Variants in FRYL observed in about 807,000 individuals in gnomAD.
FRYL encodes FRY like transcription coactivator.
Under a neutral mutation model 351.2 loss-of-function variants are expected in FRYL, and 150 were observed. The ratio of observed to expected loss-of-function variants is 0.43; its 90% CI spans 0.37 to 0.49. FRYL has a LOEUF of 0.49. Ranked by LOEUF, FRYL falls within the 20% of genes least tolerant of loss-of-function variation. The pLI is 0.00. For synonymous variants in FRYL, 1,153 were observed against 1,257.1 expected (o/e 0.92, Z 1.75); for missense variants, 3,036 against 3,619.3 (o/e 0.84, Z 4.13).
intron 54 of FRYL, 137 bp from the exon 55 acceptor site, chr4:48,521,352 C>T: frequency 1.6e-6 from 1 of 634,362 alleles, no homozygotes; most frequent in Non-Finnish European, 2.6e-6. Flanking sequence ...TCTTTCCTTC[C>T]AGTCTACACC....
At position 48,573,214 on chromosome 4, in the gene FRYL, A is replaced by C. The variant is rs1425143751; in HGVS notation, c.2876T>G (p.Ile959Ser). 1.2e-6 allele frequency: 2 copies of C among 1,612,554 alleles called. No homozygotes were observed. The highest frequency in any genetic ancestry group is 3.3e-5 in the Admixed American group (2 of 60,010). ...TGGCCTTCTTTCGAGTGCTTCTTTA[A>C]TTATGGGATGTAATTCCTCTATTAG... is the stretch of plus-strand genomic sequence containing the variant. ...RELIEELHPI[I>S]KEALERRPEN... Residue 959 changes from isoleucine (I) to serine (S), a missense_variant, in exon 26 of 64, where the codon ATT (isoleucine) becomes AGT (serine). Physicochemically the swap from Ile to Ser is moderately radical, Grantham distance 142. Around this residue, in one of 7 missense-constraint regions of FRYL, gnomAD observed 492 missense variants for 551.5 expected, o/e 0.89. Transcript: ENST00000358350.
At chr4:48,613,544 T>C (rs1048914767) in intron 7 of FRYL, among the ~76,000 whole-genome samples, 1 of 152,216 alleles carries the variant, frequency 6.6e-6, no homozygotes, top group Non-Finnish European at 1.5e-5. Flanking sequence ...TTATAACACT[T>C]GTTAACAGTC....
At chr4:48,646,586 G>T (rs1021903138) in intron 3 of FRYL, among the ~76,000 whole-genome samples, 59 of 152,164 alleles carry the variant, frequency 3.9e-4, no homozygotes, top group Non-Finnish European at 7.4e-5. Flanking sequence ...TCTTATCAAT[G>T]TGACAATGCA....
intron 2 of FRYL, among the ~76,000 whole-genome samples, chr4:48,687,588 G>A (rs1765282343): frequency 6.6e-6 from 1 of 151,920 alleles, no homozygotes; most frequent in African/African-American, 2.4e-5. Flanking sequence ...CAAATAACAC[G>A]TGAACCTCTT....
chr4:48,697,680 T>G (rs1228683543), intron 2 of FRYL, among the ~76,000 whole-genome samples: 6 of 152,174 alleles, frequency 3.9e-5, no homozygotes, highest in Non-Finnish European at 2.9e-5. Flanking sequence ...GGTTTCACTA[T>G]GCTGGTCACG....
In FRYL at chr4:48,662,479, G is replaced by A. The variant is rs545560430; in HGVS notation, c.-81+22194C>T. Among the ~76,000 whole-genome samples, 5 of 151,664 alleles carry A rather than the reference G, an allele frequency of 3.3e-5. No homozygotes were observed. The South Asian group carries it at 6.3e-4, about 19-fold the overall frequency. On this transcript the variant is annotated intron_variant, in intron 3 of 63. Coordinates refer to ENST00000358350, the MANE Select transcript of FRYL (RefSeq NM_015030.2). ...AAATTTAGAAAATAAAATATTATTC[G>A]AAAAAATAATGATCAAAAAATTTCT... is the stretch of plus-strand genomic sequence containing the variant.
intron 3 of FRYL, among the ~76,000 whole-genome samples, chr4:48,667,080 T>G (rs904100508): frequency 6.6e-6 from 1 of 152,238 alleles, no homozygotes; most frequent in East Asian, 1.9e-4. Flanking sequence ...TGGTCTAGGT[T>G]ACCTTTACAG....
Position 48,547,629 on chromosome 4 carries a change from C to A in FRYL, c.5029G>T (p.Val1677Leu), listed in dbSNP as rs778684772. The A allele has an allele frequency of 4.4e-6, 7 of 1,603,850 alleles. No homozygotes were observed. Among genetic ancestry groups the A allele is most frequent in the Non-Finnish European group, 6.0e-6 (7 of 1,173,118 alleles). The change falls in exon 41 of 64, where the codon GTG (valine) becomes TTG (leucine). Residue 1677 changes from valine to leucine, a missense_variant. Val to Leu is a conservative substitution (Grantham distance 32). This residue lies in a region of FRYL where 1,987 missense variants were observed against 2,311.7 expected (regional missense o/e 0.86). Transcript: ENST00000358350. The part of the protein sequence containing the change: ...LRNKEFNEPR[V>L]LTVKQVAHLD... ...TGTGCAACTTGTTTGACTGTAAGCACCCTGGGCTCATTAAACTCCTTGTTC... is the reference window on the plus strand; with the variant it reads ...TGTGCAACTTGTTTGACTGTAAGCAACCTGGGCTCATTAAACTCCTTGTTC...
chr4:48,631,056 C>G (rs1341279189), intron 4 of FRYL, among the ~76,000 whole-genome samples: 1 of 152,188 alleles, frequency 6.6e-6, no homozygotes, highest in Non-Finnish European at 1.5e-5. Flanking sequence ...TTTTCATTAT[C>G]TAATCTTGAA....
At chr4:48,747,615 T>A (rs1772823024) in intron 1 of FRYL, among the ~76,000 whole-genome samples, 1 of 152,144 alleles carries the variant, frequency 6.6e-6, no homozygotes, top group Admixed American at 6.5e-5. Flanking sequence ...TTGTGAAGAA[T>A]CCTGATAGAT....
At chr4:48,770,074 C>A (rs544195052) in intron 1 of FRYL, among the ~76,000 whole-genome samples, 21 of 152,210 alleles carry the variant, frequency 1.4e-4, no homozygotes, top group African/African-American at 4.6e-4. Context: ...GAACTGTACA[C>A]ACGCATATAC....
intron 1 of FRYL, among the ~76,000 whole-genome samples, chr4:48,745,639 A>G (rs1772589730): frequency 6.6e-6 from 1 of 152,162 alleles, no homozygotes; most frequent in South Asian, 2.1e-4. Flanking sequence ...GCATTAGGAG[A>G]TATACCTAAT....
chr4:48,552,200 A>G (rs1350845404), intron 36 of FRYL, among the ~76,000 whole-genome samples: 1 of 151,630 alleles, frequency 6.6e-6, no homozygotes, highest in African/African-American at 2.4e-5. Context: ...AGAAAGTTTG[A>G]AGCCTGTGTA....
chr4:48,775,840 G>A (rs987643338), intron 1 of FRYL, among the ~76,000 whole-genome samples: 4 of 152,128 alleles, frequency 2.6e-5, no homozygotes, highest in African/African-American at 9.7e-5. Context: ...TCTACATTTT[G>A]AACACAAACA....
At chr4:48,577,038 T>C (rs908254307) in intron 23 of FRYL, among the ~76,000 whole-genome samples, 1 of 152,182 alleles carries the variant, frequency 6.6e-6, no homozygotes, top group African/African-American at 2.4e-5. Flanking sequence ...GCTATATCAA[T>C]ATAAAGTATC....
intron 7 of FRYL, among the ~76,000 whole-genome samples, chr4:48,613,568 G>A (rs186221658): frequency 6.6e-5 from 10 of 152,284 alleles, no homozygotes; most frequent in African/African-American, 2.4e-4. Flanking sequence ...CAAGACACAG[G>A]TATACCTCCT....
intron 3 of FRYL, among the ~76,000 whole-genome samples, chr4:48,662,165 C>T (rs1265699175): frequency 6.6e-6 from 1 of 152,162 alleles, no homozygotes; most frequent in Admixed American, 6.5e-5. Context: ...TGAGGACAGG[C>T]ACAGTGGCTG....
chr4:48,499,965 A>C, intron 63 of FRYL, 65 bp downstream of exon 63: 1 of 1,125,314 alleles, frequency 8.9e-7, no homozygotes, highest in Admixed American at 2.5e-5. Flanking sequence ...GAAAATGAAA[A>C]CCTAGTATTA....
intron 63 of FRYL, 142 bp downstream of exon 63, chr4:48,499,888 T>C: frequency 3.9e-6 from 3 of 761,994 alleles, no homozygotes; most frequent in Non-Finnish European, 6.2e-6. Context: ...TGGTATCATT[T>C]CAGTGGCAAC....
Sources: allele counts gnomAD v4.1 joint callset (sites outside exome capture counted in the v4.1 genomes callset), GRCh38; gene constraint gnomAD v4.1.1; regional missense constraint gnomAD v4.1.1; transcripts MANE v1.5; gene names NCBI Gene and HGNC (gene_info 2026-07-23, HGNC 2026-07-21).